The following PPP3CA variants were observed in gnomAD, a reference collection of about 807,000 sequenced individuals.
The protein encoded by PPP3CA is protein phosphatase 3 catalytic subunit alpha.
Under a neutral mutation model 66.5 loss-of-function variants are expected in PPP3CA, and 14 were observed. The observed-to-expected ratio is 0.21, with a 90% CI of 0.14 to 0.33. The LOEUF is 0.33. PPP3CA is among the 10% of genes least tolerant of loss of function. PPP3CA has a pLI of 1.00. For missense variants in PPP3CA, 317 were observed against 639.5 expected, an observed-to-expected ratio of 0.50 and a Z score of 5.44; for synonymous variants, 232 against 226.2, an observed-to-expected ratio of 1.03 and a Z score of -0.23.
chr4:101,240,505 T>G (rs1403370060), intron 1 of PPP3CA, among the ~76,000 whole-genome samples: 1 of 152,082 alleles, frequency 6.6e-6, no homozygotes, highest in Non-Finnish European at 1.5e-5. Context: ...AGATTTCTGT[T>G]TGTGTTTAAA....
intron 1 of PPP3CA, 28 bp from the exon 2 acceptor site, chr4:101,196,144 A>C: frequency 2.5e-6 from 4 of 1,602,140 alleles, no homozygotes; most frequent in Non-Finnish European, 3.4e-6. Flanking sequence ...TAATTATTAC[A>C]TTAGCCAAAA....
intron 1 of PPP3CA, among the ~76,000 whole-genome samples, chr4:101,323,478 T>A (rs1439325762): frequency 6.6e-6 from 1 of 152,140 alleles, no homozygotes; most frequent in Non-Finnish European, 1.5e-5. Flanking sequence ...TTAACCCACT[T>A]CCCAATGTAA....
rs1381478774 is a variant in PPP3CA, at chr4:101,033,289, CACAA to C, written c.1242-929_1242-926del. The stretch of plus-strand genomic sequence containing the variant: ...ACATACATAGAGACACACACACACA[CACAA>C]ACACACACACACACACACACACACA... On this transcript the variant is annotated intron_variant, in intron 11 of 13. Coordinates refer to ENST00000394854, the MANE Select transcript of PPP3CA (RefSeq NM_000944.5). 2.7e-3 allele frequency among the ~76,000 whole-genome samples: 183 copies of C among 67,142 alleles called. 2 individuals carry two copies. In the Middle Eastern group the frequency reaches 0.029, roughly 10 times the overall value. The allele number at this position is 67,142 out of a possible 152,430, so 44.0% of individuals were successfully genotyped here.
intron 8 of PPP3CA, among the ~76,000 whole-genome samples, chr4:101,065,644 T>C (rs558979034): frequency 3.3e-5 from 5 of 152,288 alleles, no homozygotes; most frequent in African/African-American, 1.2e-4. Context: ...CAGCTTTTTC[T>C]GACACCAAAT....
chr4:101,295,120 T>C (rs1728158741), intron 1 of PPP3CA, among the ~76,000 whole-genome samples: 1 of 149,828 alleles, frequency 6.7e-6, no homozygotes, highest in East Asian at 2.0e-4. Flanking sequence ...GCTAACAAGG[T>C]GAAACCCCGT....
intron 1 of PPP3CA, among the ~76,000 whole-genome samples, chr4:101,228,143 C>T (rs1003590271): frequency 1.3e-5 from 2 of 151,644 alleles, no homozygotes; most frequent in Admixed American, 1.3e-4. Flanking sequence ...TCTAAGTAGA[C>T]AACAAATATT....
chr4:101,338,619 A>C (rs564078220), intron 1 of PPP3CA, among the ~76,000 whole-genome samples: 17 of 152,294 alleles, frequency 1.1e-4, no homozygotes, highest in African/African-American at 3.1e-4. Context: ...TGCTCTTATC[A>C]AGGTGTCCTC....
At chr4:101,112,934 G>A (rs1290652240) in intron 2 of PPP3CA, among the ~76,000 whole-genome samples, 1 of 152,064 alleles carries the variant, frequency 6.6e-6, no homozygotes, top group Non-Finnish European at 1.5e-5. Context: ...AGAAACACCT[G>A]CTGTGCTAGG....
chr4:101,285,899 G>C (rs1727832738), intron 1 of PPP3CA, among the ~76,000 whole-genome samples: 1 of 152,044 alleles, frequency 6.6e-6, no homozygotes, highest in African/African-American at 2.4e-5. Flanking sequence ...AAAACAGAAA[G>C]GCAAAAACAG....
intron 10 of PPP3CA, among the ~76,000 whole-genome samples, chr4:101,041,844 T>C (rs557119232): frequency 6.6e-6 from 1 of 152,306 alleles, no homozygotes; most frequent in South Asian, 2.1e-4. Context: ...CTGCCTCTAA[T>C]AGATATACAA....
chr4:101,221,575 A>G (rs1725626119), intron 1 of PPP3CA, among the ~76,000 whole-genome samples: 1 of 151,612 alleles, frequency 6.6e-6, no homozygotes, highest in Non-Finnish European at 1.5e-5. Context: ...TAAAAAACAA[A>G]ACAAAACAAA....
At chr4:101,298,663 G>T (rs954868596) in intron 1 of PPP3CA, among the ~76,000 whole-genome samples, 1 of 151,900 alleles carries the variant, frequency 6.6e-6, no homozygotes, top group African/African-American at 2.4e-5. Context: ...TAAGAATATG[G>T]TATATATAAT....
At chr4:101,052,525 G>A (rs545401165) in intron 10 of PPP3CA, among the ~76,000 whole-genome samples, 35 of 151,490 alleles carry the variant, frequency 2.3e-4, no homozygotes, top group Middle Eastern at 6.9e-3. Flanking sequence ...AAAGACAAAC[G>A]ATTTAGCTTT....
chr4:101,198,933 T>G (rs1724884893), intron 1 of PPP3CA, among the ~76,000 whole-genome samples: 1 of 152,148 alleles, frequency 6.6e-6, no homozygotes, highest in African/African-American at 2.4e-5. Flanking sequence ...AGGGCTCTAT[T>G]TCCAATTGGA....
At chr4:101,140,752 G>A (rs1722781618) in intron 2 of PPP3CA, among the ~76,000 whole-genome samples, 1 of 152,192 alleles carries the variant, frequency 6.6e-6, no homozygotes, top group South Asian at 2.1e-4. Flanking sequence ...CAGAATGACT[G>A]CAGGTGTCAA....
intron 2 of PPP3CA, among the ~76,000 whole-genome samples, chr4:101,148,839 G>A (rs1262091398): frequency 6.6e-6 from 1 of 152,086 alleles, no homozygotes; most frequent in Non-Finnish European, 1.5e-5. Flanking sequence ...TTGTTAAAAA[G>A]AGTAAAGCTG....
chr4:101,082,747 G>A (rs1729492630), intron 7 of PPP3CA, among the ~76,000 whole-genome samples: 1 of 152,086 alleles, frequency 6.6e-6, no homozygotes, highest in South Asian at 2.1e-4. Flanking sequence ...GATCAGGAAT[G>A]GTATTCAGGA....
At chr4:101,040,668 A>ATTTT (rs139637703) in intron 10 of PPP3CA, 102 bp from the exon 11 acceptor site, 2 of 719,106 alleles carry the variant, frequency 2.8e-6, no homozygotes, top group Non-Finnish European at 4.1e-6. Flanking sequence ...CAAAATCAGT[A>ATTTT]TTTTTTTTTT....
intron 2 of PPP3CA, among the ~76,000 whole-genome samples, chr4:101,142,194 T>C (rs1722832581): frequency 6.6e-6 from 1 of 152,212 alleles, no homozygotes; most frequent in Non-Finnish European, 1.5e-5. Context: ...TTTGCCTTCC[T>C]GAATAGCATT....
Sources: gnomAD v4.1 joint callset for allele counts (sites outside exome capture counted in the v4.1 genomes callset) on GRCh38, gnomAD v4.1.1 for gene constraint, MANE v1.5 for transcripts, NCBI Gene and HGNC (gene_info 2026-07-23, HGNC 2026-07-21) for gene names.